NRG3: variants seen among roughly 807,000 people sequenced by gnomAD.
NRG3 encodes the protein pro-neuregulin-3, membrane-bound isoform.
NRG3 carries 31 observed loss-of-function variants against 66.9 expected under a neutral mutation model. That is an observed-to-expected ratio of 0.46 (90% CI 0.35 to 0.63). The LOEUF (loss-of-function observed/expected upper bound fraction) is 0.63. Ranked by LOEUF, NRG3 falls within the 20% of genes least tolerant of loss-of-function variation. NRG3 has a pLI of 0.00. For synonymous variants in NRG3, 393 were observed against 359.4 expected, an observed-to-expected ratio of 1.09 and a Z score of -1.06; for missense variants, 910 against 878.9, an observed-to-expected ratio of 1.04 and a Z score of -0.45.
intron 1 of NRG3, among the ~76,000 whole-genome samples, chr10:82,098,607 C>A (rs2066525287): frequency 6.6e-6 from 1 of 152,162 alleles, no homozygotes; most frequent in Non-Finnish European, 1.5e-5. Context: ...GCTCAAGAAA[C>A]CTGTACTGTG....
intron 1 of NRG3, among the ~76,000 whole-genome samples, chr10:81,950,255 G>A (rs895769761): frequency 3.9e-5 from 6 of 152,054 alleles, no homozygotes; most frequent in African/African-American, 1.4e-4. Flanking sequence ...TATGAAAGTT[G>A]GTCTCAATTT....
intron 2 of NRG3, among the ~76,000 whole-genome samples, chr10:82,434,983 C>T (rs889140265): frequency 6.6e-6 from 1 of 152,098 alleles, no homozygotes; most frequent in Non-Finnish European, 1.5e-5. Flanking sequence ...AGGAGTCTCT[C>T]CTTTTCAATT....
chr10:82,071,306 T>C (rs1482753864), intron 1 of NRG3, among the ~76,000 whole-genome samples: 1 of 152,036 alleles, frequency 6.6e-6, no homozygotes, highest in Non-Finnish European at 1.5e-5. Context: ...AGGAGTGCCA[T>C]TGAGAAATGC....
chr10:81,887,642 A>G (rs892760546), intron 1 of NRG3, among the ~76,000 whole-genome samples: 6 of 152,154 alleles, frequency 3.9e-5, no homozygotes, highest in Non-Finnish European at 8.8e-5. Context: ...CAGACTCCAG[A>G]GTCCATAGGA....
chr10:82,105,408 A>G (rs1055473142), intron 1 of NRG3, among the ~76,000 whole-genome samples: 1 of 152,194 alleles, frequency 6.6e-6, no homozygotes, highest in African/African-American at 2.4e-5. Flanking sequence ...GAGTTTGAGT[A>G]GTATCAGAGG....
intron 1 of NRG3, among the ~76,000 whole-genome samples, chr10:82,291,843 C>T (rs1049990445): frequency 6.6e-5 from 10 of 152,042 alleles, no homozygotes; most frequent in Non-Finnish European, 1.0e-4. Flanking sequence ...AATGAATTAT[C>T]GGCTGGAAAC....
intron 2 of NRG3, among the ~76,000 whole-genome samples, chr10:82,731,240 G>T (rs1357345586): frequency 6.6e-6 from 1 of 151,882 alleles, no homozygotes; most frequent in East Asian, 1.9e-4. Flanking sequence ...GGTGGCACAT[G>T]CATGTAGTCC....
intron 2 of NRG3, among the ~76,000 whole-genome samples, chr10:82,550,654 T>G (rs1304063202): frequency 1.3e-5 from 2 of 152,170 alleles, no homozygotes; most frequent in African/African-American, 4.8e-5. Context: ...CCTATGTAAT[T>G]CATGTGTAAT....
chr10:82,752,998 T>A (rs1237251674), intron 3 of NRG3, among the ~76,000 whole-genome samples: 2 of 152,216 alleles, frequency 1.3e-5, no homozygotes, highest in African/African-American at 4.8e-5. Flanking sequence ...TATGCTACTT[T>A]AAGTAGTATA....
intron 2 of NRG3, among the ~76,000 whole-genome samples, chr10:82,435,779 C>CTTTTTTTTTTT (rs1158502018): frequency 8.1e-4 from 88 of 108,250 alleles, no homozygotes; most frequent in East Asian, 2.4e-3. Context: ...CTTTTCTTTT[C>CTTTTTTTTTTT]TTTTTTTTTT....
chr10:82,929,309 T>G (rs557427969), intron 4 of NRG3, among the ~76,000 whole-genome samples: 1 of 152,290 alleles, frequency 6.6e-6, no homozygotes, highest in East Asian at 1.9e-4. Flanking sequence ...AAAATGAAGT[T>G]GTGCTTTGAG....
chr10:82,868,502 T>C (rs1272087349), intron 4 of NRG3, among the ~76,000 whole-genome samples: 2 of 151,960 alleles, frequency 1.3e-5, no homozygotes, highest in African/African-American at 4.8e-5. Flanking sequence ...CAACTCAGAG[T>C]TCAAGGGATT....
chr10:82,565,104 G>A (rs528072825), intron 2 of NRG3, among the ~76,000 whole-genome samples: 1 of 152,228 alleles, frequency 6.6e-6, no homozygotes, highest in East Asian at 1.9e-4. Context: ...GAAAGCAGCA[G>A]CAGGAGGAGC....
chr10:82,701,365 A>G (rs2055865248), intron 2 of NRG3, among the ~76,000 whole-genome samples: 1 of 152,142 alleles, frequency 6.6e-6, no homozygotes, highest in Non-Finnish European at 1.5e-5. Flanking sequence ...CCCAGCATAA[A>G]TCTGTCAGTC....
At chr10:82,622,402 CA>C (rs1328661139) in intron 2 of NRG3, among the ~76,000 whole-genome samples, 6 of 152,020 alleles carry the variant, frequency 3.9e-5, no homozygotes, top group Admixed American at 3.9e-4. Context: ...ATCATTTACC[CA>C]GATGTGTTTA....
At chr10:82,158,484 A>G (rs1484856502) in intron 1 of NRG3, among the ~76,000 whole-genome samples, 1 of 151,704 alleles carries the variant, frequency 6.6e-6, no homozygotes. Context: ...CTAAAATAGG[A>G]GGCCCTTTAA....
chr10:82,092,797 C>A (rs1288197581), intron 1 of NRG3, among the ~76,000 whole-genome samples: 1 of 152,136 alleles, frequency 6.6e-6, no homozygotes, highest in Non-Finnish European at 1.5e-5. Flanking sequence ...TGTAAAAGAT[C>A]CAGGTTCTTG....
At chr10:82,158,455 A>G (rs1374345069) in intron 1 of NRG3, among the ~76,000 whole-genome samples, 1 of 151,658 alleles carries the variant, frequency 6.6e-6, no homozygotes, top group Non-Finnish European at 1.5e-5. Flanking sequence ...GTGTCTCCGT[A>G]TGTGTTGTAT....
At chr10:82,037,639 A>G (rs6584484) in intron 1 of NRG3, among the ~76,000 whole-genome samples, 124,354 of 152,090 alleles carry the variant, frequency 0.82, 51,524 homozygotes, top group African/African-American at 0.94. Flanking sequence ...ATGAATGAGC[A>G]CAGTACTAGA....
Sources: allele counts gnomAD v4.1 joint callset (sites outside exome capture counted in the v4.1 genomes callset), GRCh38; gene constraint gnomAD v4.1.1; transcripts MANE v1.5; gene names NCBI Gene and HGNC (gene_info 2026-07-23, HGNC 2026-07-21).